The following GABRA3 variants were observed in gnomAD, a reference collection of about 807,000 sequenced individuals.
GABRA3 encodes gamma-aminobutyric acid type A receptor subunit alpha3, also known as gamma-aminobutyric acid receptor subunit alpha-3.
Under a neutral mutation model 30.1 loss-of-function variants are expected in GABRA3, and 10 were observed. That is an observed-to-expected ratio of 0.33 (90% CI 0.20 to 0.56). GABRA3 has a LOEUF of 0.56. Among genes scored for constraint, GABRA3 ranks in the 20% least tolerant of loss-of-function variants. GABRA3 has a pLI of 0.89. For missense variants in GABRA3, 233 were observed against 392.0 expected (o/e 0.59, Z 3.42); for synonymous variants, 151 against 146.8 (o/e 1.03, Z -0.21).
intron 8 of GABRA3, among the ~76,000 whole-genome samples, 178 bp downstream of exon 8, chrX:152,197,455 C>A (rs1322449489): frequency 9.0e-6 from 1 of 111,449 alleles, no homozygotes; most frequent in Non-Finnish European, 1.9e-5. Flanking sequence ...TCTTCTTATT[C>A]TAACTTCCTC....
intron 5 of GABRA3, among the ~76,000 whole-genome samples, chrX:152,255,548 CCT>C (rs1490280159): frequency 8.9e-6 from 1 of 111,913 alleles, no homozygotes; most frequent in Non-Finnish European, 1.9e-5. Flanking sequence ...TGAATGTATA[CCT>C]CTGTGTTTCT....
intron 1 of GABRA3, among the ~76,000 whole-genome samples, chrX:152,436,992 TAAG>T (rs1930793481): frequency 9.0e-6 from 1 of 111,269 alleles, no homozygotes; most frequent in African/African-American, 3.3e-5. Flanking sequence ...GACCCAATAA[TAAG>T]AACACAAATA....
chrX:152,297,337 T>A (rs1939548243), intron 3 of GABRA3, among the ~76,000 whole-genome samples: 1 of 112,300 alleles, frequency 8.9e-6, no homozygotes, highest in African/African-American at 3.2e-5. Context: ...AAAGCACTGA[T>A]TCTTGTGCCA....
chrX:152,371,742 T>C (rs1448201120), intron 1 of GABRA3, among the ~76,000 whole-genome samples: 2 of 111,572 alleles, frequency 1.8e-5, no homozygotes, highest in African/African-American at 6.5e-5. Flanking sequence ...TATTTTCATC[T>C]ATCACTCCAC....
chrX:152,387,534 C>A (rs1569414941), intron 1 of GABRA3, among the ~76,000 whole-genome samples: 1 of 111,398 alleles, frequency 9.0e-6, no homozygotes, highest in Non-Finnish European at 1.9e-5. Context: ...GTGTTCACTT[C>A]TTAATTATTC....
intron 1 of GABRA3, among the ~76,000 whole-genome samples, chrX:152,430,260 G>A (rs1417230692): frequency 3.6e-5 from 4 of 111,816 alleles, no homozygotes; most frequent in Non-Finnish European, 7.5e-5. Flanking sequence ...CTCAGCAATA[G>A]GCTGGGGATG....
chrX:152,374,341 T>TC (rs749412536), intron 1 of GABRA3, among the ~76,000 whole-genome samples: 1 of 45,243 alleles, frequency 2.2e-5, no homozygotes, highest in African/African-American at 7.3e-5. Flanking sequence ...TCTTTTCTTT[T>TC]TTTTTTTTTT....
At chrX:152,307,488 C>T (rs73623060) in intron 3 of GABRA3, among the ~76,000 whole-genome samples, 24,401 of 110,214 alleles carry the variant, frequency 0.22, 2,582 homozygotes, top group African/African-American at 0.42. Flanking sequence ...AGGGGAGGGT[C>T]ATTTATTTAG....
intron 5 of GABRA3, among the ~76,000 whole-genome samples, chrX:152,225,137 C>A (rs1350981282): frequency 9.1e-6 from 1 of 109,801 alleles, no homozygotes; most frequent in South Asian, 4.0e-4. Flanking sequence ...GACACCCCCC[C>A]CAAGAAGCCT....
At chrX:152,235,087 T>A (rs990848811) in intron 5 of GABRA3, among the ~76,000 whole-genome samples, 1 of 112,101 alleles carries the variant, frequency 8.9e-6, no homozygotes, top group African/African-American at 3.2e-5. Context: ...CAATTTTGAC[T>A]CTTCCAATGC....
rs767083324 is a variant in GABRA3 at position 152,337,765 on chromosome X, G to A, written c.262+7816C>T. ...GCCCAGGAAATCAAGGCTGCAGGGA[G>A]CCATGATCATGCTACTGCACTCCAG... is the stretch of plus-strand genomic sequence containing the variant. On this transcript the variant is annotated intron_variant, in intron 3 of 9. Coordinates refer to ENST00000370314, the MANE Select transcript of GABRA3 (RefSeq NM_000808.4). Among the ~76,000 whole-genome samples, 3 of 111,936 alleles carry A rather than the reference G, an allele frequency of 2.7e-5. No individual in the cohort carries two copies. The South Asian group carries it at 1.1e-3, about 42-fold the overall frequency.
chrX:152,222,221 CCTTA>C (rs1194026430), intron 6 of GABRA3, among the ~76,000 whole-genome samples: 2 of 109,042 alleles, frequency 1.8e-5, no homozygotes, highest in Non-Finnish European at 3.8e-5. Context: ...ATTTATATTC[CCTTA>C]CTATGACCCA....
chrX:152,241,834 A>G (rs947026429), intron 5 of GABRA3, among the ~76,000 whole-genome samples: 4 of 111,697 alleles, frequency 3.6e-5, no homozygotes, highest in Non-Finnish European at 5.7e-5. Context: ...GCTCTTCCCA[A>G]GTGAGGCAAT....
intron 8 of GABRA3, among the ~76,000 whole-genome samples, chrX:152,193,220 C>T (rs977230211): frequency 3.6e-5 from 4 of 110,860 alleles, no homozygotes; most frequent in African/African-American, 9.8e-5. Flanking sequence ...TCTTAGGTAA[C>T]CACTGATGTG....
intron 1 of GABRA3, among the ~76,000 whole-genome samples, chrX:152,395,875 GAGAACT>G (rs1315504211): frequency 4.5e-5 from 5 of 112,064 alleles, no homozygotes; most frequent in African/African-American, 1.6e-4. Flanking sequence ...TATATGAACA[GAGAACT>G]AAGCTGTAGT....
At chrX:152,256,655 C>T (rs1417111334) in intron 4 of GABRA3, among the ~76,000 whole-genome samples, 2 of 111,342 alleles carry the variant, frequency 1.8e-5, no homozygotes, top group Non-Finnish European at 3.8e-5. Flanking sequence ...AATAAATGAA[C>T]AATAAATGTT....
At chrX:152,312,565 A>G (rs1302367527) in intron 3 of GABRA3, among the ~76,000 whole-genome samples, 1 of 112,295 alleles carries the variant, frequency 8.9e-6, no homozygotes, top group Non-Finnish European at 1.9e-5. Context: ...CATTCTGGAC[A>G]TAGGACCTGG....
chrX:152,231,302 C>T (rs1044466682), intron 5 of GABRA3, among the ~76,000 whole-genome samples: 5 of 105,062 alleles, frequency 4.8e-5, no homozygotes, highest in African/African-American at 1.0e-4. Flanking sequence ...TGTATATATA[C>T]GTGTGTGTAC....
At chrX:152,309,590 A>G (rs1238548985) in intron 3 of GABRA3, among the ~76,000 whole-genome samples, 1 of 111,804 alleles carries the variant, frequency 8.9e-6, no homozygotes, top group African/African-American at 3.2e-5. Context: ...AGATAAGCAA[A>G]TGCTAAGGGA....
Sources: allele counts gnomAD v4.1 joint callset (sites outside exome capture counted in the v4.1 genomes callset), GRCh38; gene constraint gnomAD v4.1.1; transcripts MANE v1.5; gene names NCBI Gene and HGNC (gene_info 2026-07-23, HGNC 2026-07-21).